PTPRN2: variants seen among roughly 807,000 people sequenced by gnomAD.
The protein encoded by PTPRN2 is receptor-type tyrosine-protein phosphatase N2.
In PTPRN2, 74 loss-of-function variants were observed where a neutral mutation model predicts 118.8. The ratio of observed to expected loss-of-function variants is 0.62; its 90% CI spans 0.52 to 0.76. PTPRN2 has a LOEUF of 0.76. Ranked by LOEUF, PTPRN2 falls within the 30% of genes least tolerant of loss-of-function variation. The probability of loss-of-function intolerance (pLI) is 0.00; values close to 1 mark genes in which losing one functional copy is unlikely to be tolerated. For synonymous variants in PTPRN2, 641 were observed against 608.0 expected (o/e 1.05, Z -0.80); for missense variants, 1,481 against 1,394.4 (o/e 1.06, Z -0.99).
chr7:158,282,563 T>C (rs1300557372), intron 3 of PTPRN2, among the ~76,000 whole-genome samples: 1 of 152,224 alleles, frequency 6.6e-6, no homozygotes, highest in African/African-American at 2.4e-5. Context: ...GCAGGGCATG[T>C]TGAGTTCTGA....
At chr7:157,985,545 C>T (rs1422112057) in intron 11 of PTPRN2, among the ~76,000 whole-genome samples, 1 of 152,206 alleles carries the variant, frequency 6.6e-6, no homozygotes, top group East Asian at 1.9e-4. Context: ...TGACATGCCG[C>T]CCCAGTGATT....
intron 5 of PTPRN2, among the ~76,000 whole-genome samples, chr7:158,179,521 G>A (rs149228534): frequency 2.2e-4 from 34 of 152,198 alleles, no homozygotes; most frequent in African/African-American, 8.2e-4. Flanking sequence ...TGTTTTAGTT[G>A]CATTTGCTTT....
rs971062745 is a variant in PTPRN2 at position 158,046,836 on chromosome 7, G to A, written c.1723+34462C>T. ...ATAATCCCTCATCTGCCATTGAGGCGCCGAGCTCTTGTCTTCCTTCCTGGT... is the reference window on the plus strand; with the variant it reads ...ATAATCCCTCATCTGCCATTGAGGCACCGAGCTCTTGTCTTCCTTCCTGGT... On this transcript the variant is annotated intron_variant, in intron 11 of 22. Transcript: ENST00000389418. Among the ~76,000 whole-genome samples, 7 of 152,278 alleles carry A rather than the reference G, an allele frequency of 4.6e-5. No individual in the cohort carries two copies. The East Asian group carries it at 7.7e-4, about 17-fold the overall frequency.
chr7:157,691,067 T>TGCC (rs1491213762), intron 12 of PTPRN2, among the ~76,000 whole-genome samples: 2 of 44,488 alleles, frequency 4.5e-5, no homozygotes, highest in Non-Finnish European at 9.7e-5. Context: ...TATAGCGATG[T>TGCC]CCCCCCCCCC....
chr7:157,657,094 G>A (rs867780916), intron 13 of PTPRN2, among the ~76,000 whole-genome samples: 207 of 40,370 alleles, frequency 5.1e-3, no homozygotes, highest in Middle Eastern at 0.021. Context: ...ACACACATAC[G>A]CCACACACAC....
intron 6 of PTPRN2, among the ~76,000 whole-genome samples, chr7:158,139,168 G>A (rs564608577): frequency 1.3e-4 from 20 of 152,276 alleles, no homozygotes; most frequent in Admixed American, 9.2e-4. Context: ...AACAGAACCC[G>A]AAATTGAGAA....
chr7:158,049,034 A>C (rs762257769), intron 11 of PTPRN2, among the ~76,000 whole-genome samples: 3 of 116 alleles, frequency 0.026, 1 homozygote, highest in African/African-American at 0.1. Flanking sequence ...ACTATCACCA[A>C]CACCATCATC....
At position 157,686,953 on chromosome 7, in the gene PTPRN2, G is replaced by A. The variant is rs865835322; in HGVS notation, c.1789-4016C>T. ...CAGGTTAGATCTATCTTGAGAATAAGATGAAGTACAATATCGCATATTTCT... is the reference window on the plus strand; with the variant it reads ...CAGGTTAGATCTATCTTGAGAATAAAATGAAGTACAATATCGCATATTTCT... On this transcript the variant is annotated intron_variant, in intron 12 of 22. Transcript: ENST00000389418. 3.3e-5 allele frequency among the ~76,000 whole-genome samples: 5 copies of A among 152,290 alleles called. No homozygotes were observed. The South Asian group carries it at 6.2e-4, about 19-fold the overall frequency.
chr7:158,235,544 A>T (rs1351395216), intron 3 of PTPRN2, among the ~76,000 whole-genome samples: 2 of 152,202 alleles, frequency 1.3e-5, no homozygotes, highest in Non-Finnish European at 2.9e-5. Flanking sequence ...TAACAAATGG[A>T]TCTCATGAGG....
At chr7:158,528,029 G>C (rs1824921667) in intron 1 of PTPRN2, among the ~76,000 whole-genome samples, 1 of 152,236 alleles carries the variant, frequency 6.6e-6, no homozygotes, top group Admixed American at 6.5e-5. Flanking sequence ...CTAAACGACA[G>C]GGTAGGGGGC....
intron 17 of PTPRN2, among the ~76,000 whole-genome samples, chr7:157,589,820 C>T (rs1396835553): frequency 1.3e-5 from 2 of 152,230 alleles, no homozygotes; most frequent in Non-Finnish European, 2.9e-5. Flanking sequence ...TTACGCACCA[C>T]CAAGTCCAGA....
chr7:158,228,719 A>C (rs897451035), intron 3 of PTPRN2, among the ~76,000 whole-genome samples: 1 of 152,116 alleles, frequency 6.6e-6, no homozygotes, highest in African/African-American at 2.4e-5. Context: ...GTTTGGCATC[A>C]AGAGTATGGG....
chr7:157,544,140 C>T lies in PTPRN2; in HGVS notation c.2977-3355G>A, dbSNP rs28564469. On this transcript the variant is annotated intron_variant, in intron 22 of 22. Transcript: ENST00000389418. ...AGAGATGGAGAGAGGCGGAGAGAGG[C>T]GGAGAGAGACGGAGAGAGGTGGAGA... 2.1e-4 allele frequency among the ~76,000 whole-genome samples: 25 copies of T among 121,576 alleles called. 1 individual carries two copies. Among genetic ancestry groups the T allele is most frequent in the East Asian group, 2.9e-4 (1 of 3,430 alleles). 79.8% of individuals were successfully genotyped at this position (121,576 alleles called of 152,430 possible).
At chr7:158,018,056 G>A (rs111634764) in intron 11 of PTPRN2, among the ~76,000 whole-genome samples, 8 of 152,316 alleles carry the variant, frequency 5.3e-5, no homozygotes, top group African/African-American at 1.9e-4. Context: ...CTGGGGCCAA[G>A]CGAGTAGTGG....
At position 158,146,870 on chromosome 7, in the gene PTPRN2, C is replaced by G. The variant is rs140389049; in HGVS notation, c.911-8355G>C. Among the ~76,000 whole-genome samples, 340 of 152,036 alleles carry G rather than the reference C, an allele frequency of 2.2e-3. 28 individuals carry two copies. The highest frequency in any genetic ancestry group is 7.3e-3 in the African/African-American group (302 of 41,384). On this transcript the variant is annotated intron_variant, in intron 6 of 22. Coordinates refer to ENST00000389418, the MANE Select transcript of PTPRN2 (RefSeq NM_002847.5). ...TTGACCAATGGATAGAACAAGCAAA[C>G]AGTTTACAGGGAAAATACACCATTA...
At chr7:158,246,781 G>A (rs1004156446) in intron 3 of PTPRN2, among the ~76,000 whole-genome samples, 4 of 151,976 alleles carry the variant, frequency 2.6e-5, no homozygotes, top group Non-Finnish European at 5.9e-5. Context: ...TCCCCCAGGC[G>A]TGTGCTTCCC....
intron 2 of PTPRN2, among the ~76,000 whole-genome samples, chr7:158,333,753 G>C (rs1246135379): frequency 1.5e-5 from 2 of 137,822 alleles, no homozygotes; most frequent in African/African-American, 2.9e-5. Context: ...CTCACCATAA[G>C]AGCTGACACC....
chr7:158,523,655 G>A (rs796117099), intron 1 of PTPRN2, among the ~76,000 whole-genome samples: 38 of 118,734 alleles, frequency 3.2e-4, no homozygotes, highest in East Asian at 6.5e-4. Flanking sequence ...GTCTGCCCTG[G>A]AGTGGAGTCG....
rs568078538 is a variant in PTPRN2 at position 157,990,162 on chromosome 7, G to C, written c.1723+91136C>G. Among the ~76,000 whole-genome samples, 2 of 151,818 alleles carry C rather than the reference G, an allele frequency of 1.3e-5. No homozygotes were observed. The highest frequency in any genetic ancestry group is 3.9e-4 in the East Asian group (2 of 5,142). On this transcript the variant is annotated intron_variant, in intron 11 of 22. Coordinates refer to ENST00000389418, the MANE Select transcript of PTPRN2 (RefSeq NM_002847.5). This position sits in a 1 kb window ranked among gnomAD's most constrained non-coding sequence, Gnocchi z 4.3. Reference sequence around the variant, plus strand: ...CAGGTGAAGCTGCAGCTGGGGACACGAGTTAATGTGAGTGCGAGCCCAGGG... The same window carrying C: ...CAGGTGAAGCTGCAGCTGGGGACACCAGTTAATGTGAGTGCGAGCCCAGGG...
Sources: allele counts gnomAD v4.1 joint callset (sites outside exome capture counted in the v4.1 genomes callset), GRCh38; gene constraint gnomAD v4.1.1; non-coding constraint Gnocchi (gnomAD v3.1); transcripts MANE v1.5; gene names NCBI Gene and HGNC (gene_info 2026-07-23, HGNC 2026-07-21).